ST8SIA6: variants seen among roughly 807,000 people sequenced by gnomAD.
ST8SIA6 encodes the protein alpha-2,8-sialyltransferase 8F.
ST8SIA6 carries 39 observed loss-of-function variants against 33.6 expected under a neutral mutation model. The ratio of observed to expected loss-of-function variants is 1.16; its 90% CI spans 0.90 to 1.52. The LOEUF (loss-of-function observed/expected upper bound fraction) is 1.52, where lower values mean the gene tolerates loss of function less well. Among genes scored for constraint, ST8SIA6 ranks in the 40% most tolerant of loss-of-function variants. The pLI is 0.00. For missense variants in ST8SIA6, 441 were observed against 443.8 expected (o/e 0.99, Z 0.06); for synonymous variants, 172 against 167.2 (o/e 1.03, Z -0.22).
chr10:17,390,808 AAC>A (rs1491415465), intron 2 of ST8SIA6, among the ~76,000 whole-genome samples, 188 bp from the exon 3 acceptor site: 3 of 151,144 alleles, frequency 2.0e-5, no homozygotes, highest in African/African-American at 7.3e-5. Context: ...TGAAAAAAAA[AAC>A]AAAAAACTTA....
Position 17,326,202 on chromosome 10 carries a change from A to G in ST8SIA6, c.635+812T>C, listed in dbSNP as rs79675975. Among the ~76,000 whole-genome samples the G allele has an allele frequency of 6.4e-3, 970 of 152,264 alleles. 14 individuals carry two copies. The highest frequency in any genetic ancestry group is 0.022 in the African/African-American group (913 of 41,540). On this transcript the variant is annotated intron_variant, in intron 6 of 7. Transcript: ENST00000377602. ...TACTAGAAACCCTGTTTCTTTTTCA[A>G]TTGCTTAAAAGGGCAGCATTAAATC...
chr10:17,345,962 G>A (rs768009032), intron 4 of ST8SIA6, among the ~76,000 whole-genome samples: 2 of 152,204 alleles, frequency 1.3e-5, no homozygotes, highest in Non-Finnish European at 2.9e-5. Context: ...GCCTTAGGAA[G>A]TGCTTGAACC....
At chr10:17,333,689 A>AGATATATG (rs1848379790) in intron 4 of ST8SIA6, among the ~76,000 whole-genome samples, 1 of 13,384 alleles carries the variant, frequency 7.5e-5, no homozygotes, top group Non-Finnish European at 1.4e-4. Flanking sequence ...ATATATATAT[A>AGATATATG]TATATATATA....
At chr10:17,451,666 A>G (rs1852915681) in intron 2 of ST8SIA6, among the ~76,000 whole-genome samples, 1 of 152,210 alleles carries the variant, frequency 6.6e-6, no homozygotes, top group African/African-American at 2.4e-5. Flanking sequence ...TCCTACCAGC[A>G]TTATTACCAT....
intron 2 of ST8SIA6, among the ~76,000 whole-genome samples, chr10:17,445,323 A>G (rs1460321472): frequency 6.6e-6 from 1 of 152,252 alleles, no homozygotes; most frequent in African/African-American, 2.4e-5. Context: ...ACACAAGTCT[A>G]CACAAAATGA....
chr10:17,333,717 A>ATAGATATATATATATATT (rs1251981910), intron 4 of ST8SIA6, among the ~76,000 whole-genome samples: 1 of 33,754 alleles, frequency 3.0e-5, no homozygotes, highest in Non-Finnish European at 4.6e-5. Context: ...ATATATATAT[A>ATAGATATATATATATATT]TTTTTTTTTT....
intron 4 of ST8SIA6, among the ~76,000 whole-genome samples, chr10:17,343,074 C>G (rs1848725958): frequency 6.6e-6 from 1 of 152,190 alleles, no homozygotes; most frequent in African/African-American, 2.4e-5. Flanking sequence ...AAATATTCAT[C>G]AAGGGCATCC....
chr10:17,398,775 G>A (rs1195255474), intron 2 of ST8SIA6, among the ~76,000 whole-genome samples: 1 of 152,136 alleles, frequency 6.6e-6, no homozygotes, highest in African/African-American at 2.4e-5. Flanking sequence ...CCTCATTCTA[G>A]GGATGAGGAG....
At chr10:17,358,501 A>G (rs567335183) in intron 4 of ST8SIA6, among the ~76,000 whole-genome samples, 68 of 152,260 alleles carry the variant, frequency 4.5e-4, no homozygotes, top group African/African-American at 1.5e-3. Context: ...ATGTCTCTGG[A>G]TTGTAATAGG....
chr10:17,450,344 C>T (rs893718513), intron 2 of ST8SIA6, among the ~76,000 whole-genome samples: 1 of 152,142 alleles, frequency 6.6e-6, no homozygotes, highest in Non-Finnish European at 1.5e-5. Context: ...TCAACATCAC[C>T]CTGTAGATTA....
chr10:17,425,150 C>T (rs1274460158), intron 2 of ST8SIA6, among the ~76,000 whole-genome samples: 3 of 152,068 alleles, frequency 2.0e-5, no homozygotes, highest in Non-Finnish European at 4.4e-5. Context: ...TCAGAAATTA[C>T]AAACATATAC....
At chr10:17,444,365 G>GAGA (rs1564468231) in intron 2 of ST8SIA6, among the ~76,000 whole-genome samples, 1 of 152,194 alleles carries the variant, frequency 6.6e-6, no homozygotes, top group African/African-American at 2.4e-5. Context: ...TCTTTGTTAA[G>GAGA]AGAAGTGCTG....
At chr10:17,376,493 A>T (rs1268209393) in intron 3 of ST8SIA6, among the ~76,000 whole-genome samples, 1 of 152,182 alleles carries the variant, frequency 6.6e-6, no homozygotes, top group Admixed American at 6.5e-5. Flanking sequence ...AAAGCATAAA[A>T]AAGAGAAGGC....
chr10:17,440,378 G>A (rs926627328), intron 2 of ST8SIA6, among the ~76,000 whole-genome samples: 4 of 151,876 alleles, frequency 2.6e-5, no homozygotes, highest in African/African-American at 9.7e-5. Context: ...GCTAATTTTT[G>A]TATTTTTAGT....
intron 4 of ST8SIA6, among the ~76,000 whole-genome samples, chr10:17,344,974 C>T (rs1848785011): frequency 6.7e-6 from 1 of 148,944 alleles, no homozygotes; most frequent in African/African-American, 2.4e-5. Context: ...ACTATTCTTA[C>T]TACTAGGAAT....
chr10:17,420,421 T>C (rs577407138), intron 2 of ST8SIA6, among the ~76,000 whole-genome samples: 24 of 151,950 alleles, frequency 1.6e-4, no homozygotes, highest in Admixed American at 5.9e-4. Context: ...AAAAAATAAA[T>C]AAATAAAAAT....
chr10:17,423,498 A>G (rs1422275018), intron 2 of ST8SIA6, among the ~76,000 whole-genome samples: 1 of 152,216 alleles, frequency 6.6e-6, no homozygotes, highest in African/African-American at 2.4e-5. Flanking sequence ...TTTACATTAC[A>G]GGTGCTCCAA....
At chr10:17,375,556 A>G (rs564683878) in intron 3 of ST8SIA6, among the ~76,000 whole-genome samples, 8 of 152,326 alleles carry the variant, frequency 5.3e-5, no homozygotes, top group South Asian at 4.1e-4. Flanking sequence ...AGAAAATTCA[A>G]TTGTTCTCAG....
At chr10:17,358,651 ATAAG>A (rs1849277174) in intron 4 of ST8SIA6, among the ~76,000 whole-genome samples, 1 of 125,044 alleles carries the variant, frequency 8.0e-6, no homozygotes, top group Admixed American at 7.9e-5. Context: ...AAGAAAAAGA[ATAAG>A]GAGGAGGAGG....
Sources: allele counts gnomAD v4.1 joint callset (sites outside exome capture counted in the v4.1 genomes callset), GRCh38; gene constraint gnomAD v4.1.1; transcripts MANE v1.5; gene names NCBI Gene and HGNC (gene_info 2026-07-23, HGNC 2026-07-21).